ADAMTSL3: variants seen among roughly 807,000 people sequenced by gnomAD.
The protein encoded by ADAMTSL3 is ADAMTS like 3.
A neutral mutation model predicts 201.7 loss-of-function variants in ADAMTSL3; 128 were observed. The observed-to-expected ratio is 0.63, with a 90% confidence interval of 0.55 to 0.73. The LOEUF is 0.73. Ranked by LOEUF, ADAMTSL3 falls within the 30% of genes least tolerant of loss-of-function variation. ADAMTSL3 has a pLI of 0.00. For missense variants in ADAMTSL3, 1,990 were observed against 2,119.6 expected (o/e 0.94, Z 1.20); for synonymous variants, 738 against 748.4 (o/e 0.99, Z 0.23).
intron 3 of ADAMTSL3, among the ~76,000 whole-genome samples, chr15:83,737,157 A>C (rs928316139): frequency 6.6e-6 from 1 of 152,240 alleles, no homozygotes; most frequent in Admixed American, 6.5e-5. Flanking sequence ...GGAAATAGGT[A>C]TAGGTCATGT....
intron 3 of ADAMTSL3, among the ~76,000 whole-genome samples, chr15:83,727,634 C>T (rs1043215254): frequency 2.0e-5 from 3 of 152,016 alleles, no homozygotes; most frequent in Admixed American, 2.0e-4. Flanking sequence ...ACTGGTCATT[C>T]AGAAGCATAT....
intron 21 of ADAMTSL3, among the ~76,000 whole-genome samples, chr15:83,988,181 A>G (rs2067515359): frequency 6.6e-6 from 1 of 152,200 alleles, no homozygotes; most frequent in Admixed American, 6.5e-5. Context: ...CAGACTTAGC[A>G]TGATGACCTC....
chr15:83,869,483 T>A (rs1227572279), intron 8 of ADAMTSL3, among the ~76,000 whole-genome samples: 1 of 152,180 alleles, frequency 6.6e-6, no homozygotes, highest in Non-Finnish European at 1.5e-5. Context: ...GTAGCTCATG[T>A]CCAGCCTTTG....
chr15:83,715,076 G>T (rs933250032), intron 3 of ADAMTSL3, among the ~76,000 whole-genome samples: 1 of 152,026 alleles, frequency 6.6e-6, no homozygotes, highest in Non-Finnish European at 1.5e-5. Flanking sequence ...AGTGCACTCA[G>T]TTTGGATTTC....
chr15:83,894,114 T>C (rs1241013506), intron 13 of ADAMTSL3, among the ~76,000 whole-genome samples: 1 of 152,106 alleles, frequency 6.6e-6, no homozygotes, highest in Non-Finnish European at 1.5e-5. Flanking sequence ...TGCCCAGTAC[T>C]TCAGAGGCAC....
chr15:83,917,663 A>T (rs1199521817), intron 16 of ADAMTSL3, among the ~76,000 whole-genome samples: 1 of 151,842 alleles, frequency 6.6e-6, no homozygotes, highest in Non-Finnish European at 1.5e-5. Flanking sequence ...TTATGACCTC[A>T]TTTTTTTACC....
At chr15:83,877,266 AT>A (rs2065194329) in intron 9 of ADAMTSL3, among the ~76,000 whole-genome samples, 2 of 152,186 alleles carry the variant, frequency 1.3e-5, no homozygotes, top group Non-Finnish European at 1.5e-5. Context: ...AAGCCTTAAT[AT>A]TTTTCTTTTC....
chr15:83,847,770 C>T (rs529988188), intron 7 of ADAMTSL3, among the ~76,000 whole-genome samples: 1 of 152,228 alleles, frequency 6.6e-6, no homozygotes, highest in South Asian at 2.1e-4. Context: ...GCTGGGATTA[C>T]AGGTGTGAGC....
Position 83,897,841 on chromosome 15 carries a change from T to C in ADAMTSL3, c.1468-17T>C, listed in dbSNP as rs1466941239. The C allele has an allele frequency of 6.4e-7, 1 of 1,568,076 alleles. No individual in the cohort carries two copies. Among genetic ancestry groups the C allele is most frequent in the East Asian group, 2.3e-5 (1 of 44,118 alleles). Reference sequence around the variant, plus strand: ...CTCTTAAAAGAAATGCGTTGGCTTCTCTTTTCTTCTTTGAAGTGCACAGTG... The same window carrying C: ...CTCTTAAAAGAAATGCGTTGGCTTCCCTTTTCTTCTTTGAAGTGCACAGTG... On this transcript the variant is annotated splice_polypyrimidine_tract_variant and intron_variant, in intron 13 of 29. Transcript: ENST00000286744.
chr15:83,820,314 G>A (rs568204694), intron 6 of ADAMTSL3, among the ~76,000 whole-genome samples: 1 of 152,234 alleles, frequency 6.6e-6, no homozygotes, highest in South Asian at 2.1e-4. Flanking sequence ...CTGATCTCAG[G>A]TGATTCGCCT....
intron 7 of ADAMTSL3, among the ~76,000 whole-genome samples, chr15:83,846,816 A>G (rs2064508149): frequency 6.6e-6 from 1 of 152,180 alleles, no homozygotes; most frequent in Non-Finnish European, 1.5e-5. Context: ...CAGCCTCCTG[A>G]TTTCTTAGAG....
Position 84,014,664 on chromosome 15 carries a change from G to C in ADAMTSL3, c.4096G>C (p.Val1366Leu), listed in dbSNP as rs149530914. The C allele has an allele frequency of 6.2e-7, 1 of 1,611,590 alleles. No homozygotes were observed. Among genetic ancestry groups the C allele is most frequent in the South Asian group, 1.1e-5 (1 of 90,332 alleles). Residue 1366 changes from valine (V) to leucine (L), a missense_variant, in exon 24 of 30, where the codon GTC (valine) becomes CTC (leucine). Coordinates refer to ENST00000286744, the MANE Select transcript of ADAMTSL3 (RefSeq NM_207517.3). ...NVSLENEGTYVCIATNALGKA... is the reference protein window; with the variant it reads ...NVSLENEGTYLCIATNALGKA... ...TTCCCTTGAAAATGAAGGAACCTAC[G>C]TCTGCATAGCCACCAATGCTCTTGG... is the stretch of plus-strand genomic sequence containing the variant.
At chr15:83,773,481 TTG>T (rs1567135328) in intron 3 of ADAMTSL3, 40 bp from the exon 4 acceptor site, 1 of 1,603,288 alleles carries the variant, frequency 6.2e-7, no homozygotes. Context: ...CTATACTTTA[TTG>T]TGTGGTTTTT....
intron 3 of ADAMTSL3, among the ~76,000 whole-genome samples, chr15:83,754,261 G>A (rs747128859): frequency 2.0e-5 from 3 of 152,200 alleles, no homozygotes; most frequent in Non-Finnish European, 4.4e-5. Context: ...GTTGAAATAT[G>A]TGAGGCTGGA....
intron 2 of ADAMTSL3, among the ~76,000 whole-genome samples, chr15:83,702,351 A>G (rs1326203982): frequency 6.6e-6 from 1 of 152,248 alleles, no homozygotes; most frequent in African/African-American, 2.4e-5. Flanking sequence ...AGCTGGCTGC[A>G]GAAATTTCCA....
intron 3 of ADAMTSL3, among the ~76,000 whole-genome samples, chr15:83,765,003 A>G (rs562812339): frequency 1.1e-3 from 168 of 152,300 alleles, no homozygotes; most frequent in African/African-American, 3.9e-3. Flanking sequence ...ATTGACTAGG[A>G]AAGTGTCAAC....
intron 5 of ADAMTSL3, among the ~76,000 whole-genome samples, chr15:83,805,620 A>T (rs534918191): frequency 6.6e-6 from 1 of 152,306 alleles, no homozygotes; most frequent in Non-Finnish European, 1.5e-5. Flanking sequence ...AATCCATTCT[A>T]TTTTCCATTC....
rs1401444518 is a variant in ADAMTSL3 at position 83,818,216 on chromosome 15, CTA to C, written c.364-1593_364-1592del. On this transcript the variant is annotated intron_variant, in intron 5 of 29. Transcript: ENST00000286744. ...TGTGTGAAGATTTAGATACAAAGAT[CTA>C]TGTTATTTATTCTTTTGTTGAGTAG... 1.4e-4 allele frequency among the ~76,000 whole-genome samples: 22 copies of C among 152,204 alleles called. No homozygotes were observed. The East Asian group carries it at 4.2e-3, about 29-fold the overall frequency.
chr15:84,017,359 C>A (rs566684656), intron 25 of ADAMTSL3, among the ~76,000 whole-genome samples: 1 of 152,130 alleles, frequency 6.6e-6, no homozygotes, highest in African/African-American at 2.4e-5. Flanking sequence ...CCTCGTGATC[C>A]GCCCACCTTG....
Sources: allele counts gnomAD v4.1 joint callset (sites outside exome capture counted in the v4.1 genomes callset), GRCh38; gene constraint gnomAD v4.1.1; transcripts MANE v1.5; gene names NCBI Gene and HGNC (gene_info 2026-07-23, HGNC 2026-07-21).